Variants in CMPK1 observed in about 807,000 individuals in gnomAD.
CMPK1 encodes the protein UMP-CMP kinase.
Under a neutral mutation model 25.7 loss-of-function variants are expected in CMPK1, and 10 were observed. The observed-to-expected ratio is 0.39, with a 90% CI of 0.24 to 0.66. The LOEUF is 0.66. Ranked by LOEUF, CMPK1 falls within the 30% of genes least tolerant of loss-of-function variation. The pLI, the probability that CMPK1 is intolerant of heterozygous loss-of-function variation, is 0.48. For missense variants in CMPK1, 199 were observed against 280.5 expected, an observed-to-expected ratio of 0.71 and a Z score of 2.08; for synonymous variants, 106 against 101.5, an observed-to-expected ratio of 1.04 and a Z score of -0.27.
intron 1 of CMPK1, among the ~76,000 whole-genome samples, chr1:47,352,270 A>G (rs1646528004): frequency 6.6e-6 from 1 of 152,230 alleles, no homozygotes; most frequent in Non-Finnish European, 1.5e-5. Context: ...ATTTTCTCCC[A>G]TCCTGTGGGC....
intron 1 of CMPK1, among the ~76,000 whole-genome samples, chr1:47,342,135 G>A (rs888369351): frequency 3.9e-5 from 6 of 151,962 alleles, no homozygotes; most frequent in Non-Finnish European, 7.4e-5. Flanking sequence ...AGGCTAGAGT[G>A]CAGTGGGGTG....
rs201898175 is a variant in CMPK1 at position 47,365,991 on chromosome 1, C to G, written c.172-2478C>G. ...GGTAGATCACCTGAGGTTAGGAGTT[C>G]GAGACCAGCCTGGCCAACATGGTAA... On this transcript the variant is annotated intron_variant, in intron 1 of 5. Transcript: ENST00000371873. 5.3e-5 allele frequency among the ~76,000 whole-genome samples: 8 copies of G among 151,866 alleles called. No homozygotes were observed. The East Asian group carries it at 1.4e-3, about 26-fold the overall frequency.
chr1:47,367,021 C>T (rs1387695072), intron 1 of CMPK1, among the ~76,000 whole-genome samples: 1 of 152,098 alleles, frequency 6.6e-6, no homozygotes, highest in East Asian at 1.9e-4. Flanking sequence ...CCACCGCACC[C>T]AGCCTTTTTT....
intron 1 of CMPK1, among the ~76,000 whole-genome samples, chr1:47,336,431 A>C (rs1396575610): frequency 6.6e-6 from 1 of 152,162 alleles, no homozygotes; most frequent in Middle Eastern, 3.2e-3. Context: ...AGATGCAGAT[A>C]GTTTTTTTCT....
intron 5 of CMPK1, among the ~76,000 whole-genome samples, chr1:47,376,250 A>G (rs960792198): frequency 1.3e-5 from 2 of 151,732 alleles, no homozygotes; most frequent in African/African-American, 2.4e-5. Flanking sequence ...TTGAAAATTA[A>G]TGTAAATTTG....
At chr1:47,343,010 G>A (rs1388111543) in intron 1 of CMPK1, among the ~76,000 whole-genome samples, 9 of 146,250 alleles carry the variant, frequency 6.2e-5, no homozygotes, top group African/African-American at 2.3e-4. Flanking sequence ...TTTTTGAAAC[G>A]GAATCTTGCT....
At chr1:47,354,766 C>T (rs1349378056) in intron 1 of CMPK1, among the ~76,000 whole-genome samples, 3 of 152,090 alleles carry the variant, frequency 2.0e-5, no homozygotes, top group Non-Finnish European at 4.4e-5. Flanking sequence ...TTACAAAAGA[C>T]ACTGCTGTAA....
intron 1 of CMPK1, among the ~76,000 whole-genome samples, chr1:47,342,378 C>T (rs1401971652): frequency 6.6e-6 from 1 of 152,064 alleles, no homozygotes; most frequent in Admixed American, 6.6e-5. Context: ...TTTGTAAAGA[C>T]AAGGTCTCAC....
At position 47,378,654 on chromosome 1, in the gene CMPK1, A is replaced by AAT. The variant is rs1472567290; in HGVS notation, c.*1912_*1913dup. On this transcript the variant is annotated 3_prime_UTR_variant, in exon 6 of 6. Coordinates refer to ENST00000371873, the MANE Select transcript of CMPK1 (RefSeq NM_016308.3). ...ATTGAGTTTTGGAGTTGATTGAGAT[A>AAT]ATATGACTTAACTAGTTTTGTCATT... is the stretch of plus-strand genomic sequence containing the variant. The AAT allele has an allele frequency of 1.3e-5, 2 of 152,244 alleles. No homozygotes were observed. The highest frequency in any genetic ancestry group is 4.8e-5 in the African/African-American group (2 of 41,478). 9.4% of individuals were successfully genotyped at this position (152,244 alleles called of 1,614,324 possible). A position where few individuals can be genotyped will look rare whatever the true frequency, so the allele number is the denominator to read the frequency against.
At chr1:47,368,274 G>A (rs56881474) in intron 1 of CMPK1, among the ~76,000 whole-genome samples, 195 bp from the exon 2 acceptor site, 16,569 of 152,144 alleles carry the variant, frequency 0.11, 1,174 homozygotes, top group East Asian at 0.24. Context: ...TTATAGCTAT[G>A]AAGAATAAAG....
intron 3 of CMPK1, 22 bp downstream of exon 3, chr1:47,373,129 C>T (rs1646687793): frequency 1.3e-5 from 21 of 1,575,298 alleles, no homozygotes; most frequent in Non-Finnish European, 1.7e-5. Flanking sequence ...CTTCATCTGC[C>T]CACATAGGCT....
chr1:47,373,156 C>G, intron 3 of CMPK1, 49 bp downstream of exon 3: 1 of 1,501,018 alleles, frequency 6.7e-7, no homozygotes. Context: ...AACTGTTAGT[C>G]AACTATTAGA....
Position 47,346,825 on chromosome 1 carries a change from C to A in CMPK1, c.171+12709C>A, listed in dbSNP as rs997311618. 6.3e-5 allele frequency among the ~76,000 whole-genome samples: 9 copies of A among 143,202 alleles called. 1 individual carries two copies. The East Asian group carries it at 6.5e-4, about 10-fold the overall frequency. 93.9% of individuals were successfully genotyped at this position (143,202 alleles called of 152,430 possible). On this transcript the variant is annotated intron_variant, in intron 1 of 5. Coordinates refer to ENST00000371873, the MANE Select transcript of CMPK1 (RefSeq NM_016308.3). The stretch of plus-strand genomic sequence containing the variant: ...GCCCGTTTGTTTGCCTTCCTCTCCC[C>A]CTCCCCATCTCTCCTCCTCACTCCT...
intron 1 of CMPK1, among the ~76,000 whole-genome samples, chr1:47,355,166 C>G (rs1159427425): frequency 4.6e-5 from 7 of 151,952 alleles, no homozygotes; most frequent in African/African-American, 1.7e-4. Flanking sequence ...CCCGCCTCAG[C>G]CTCCCAAGTA....
At chr1:47,339,373 C>CTTTTTTTTTTTT (rs1646422724) in intron 1 of CMPK1, among the ~76,000 whole-genome samples, 1 of 152,036 alleles carries the variant, frequency 6.6e-6, no homozygotes, top group African/African-American at 2.4e-5. Context: ...GTAACTCTTA[C>CTTTTTTTTTTTT]TTTGCCTGGC....
chr1:47,341,892 A>AT (rs1646444233), intron 1 of CMPK1, among the ~76,000 whole-genome samples: 1 of 151,846 alleles, frequency 6.6e-6, no homozygotes, highest in African/African-American at 2.4e-5. Context: ...AAGTGCTGGG[A>AT]TTACAGGTGT....
chr1:47,352,466 C>T (rs1426069909), intron 1 of CMPK1, among the ~76,000 whole-genome samples: 1 of 151,808 alleles, frequency 6.6e-6, no homozygotes, highest in Non-Finnish European at 1.5e-5. Context: ...CTATATAGTG[C>T]CACGAGTTGG....
intron 1 of CMPK1, among the ~76,000 whole-genome samples, chr1:47,349,064 G>A (rs772103610): frequency 1.7e-4 from 26 of 152,160 alleles, no homozygotes; most frequent in Non-Finnish European, 4.4e-5. Flanking sequence ...GAAGCAAGAA[G>A]GATGGTCAGA....
chr1:47,358,671 G>A (rs2149330740), intron 1 of CMPK1: 1 of 985,970 alleles, frequency 1.0e-6, no homozygotes, highest in East Asian at 1.1e-4. Context: ...TTCTGAGTGT[G>A]TGATTTCATG....
Sources: gnomAD v4.1 joint callset for allele counts (sites outside exome capture counted in the v4.1 genomes callset) on GRCh38, gnomAD v4.1.1 for gene constraint, MANE v1.5 for transcripts, NCBI Gene and HGNC (gene_info 2026-07-23, HGNC 2026-07-21) for gene names.